Variants in MAF observed in about 807,000 individuals in gnomAD.
The protein encoded by MAF is MAF bZIP transcription factor.
Under a neutral mutation model 22.0 loss-of-function variants are expected in MAF, and 10 were observed. The observed-to-expected ratio is 0.45, with a 90% CI of 0.28 to 0.77. The LOEUF is 0.77. MAF is among the 30% of genes least tolerant of loss of function. MAF has a pLI of 0.12. For synonymous variants in MAF, 337 were observed against 255.8 expected, an observed-to-expected ratio of 1.32 and a Z score of -3.03; for missense variants, 544 against 548.4, an observed-to-expected ratio of 0.99 and a Z score of 0.08.
At chr16:79,596,418 T>C (rs776873265) in intron 1 of MAF, 2 of 1,057,330 alleles carry the variant, frequency 1.9e-6, no homozygotes, top group Admixed American at 5.4e-5. Context: ...GGATGCATTT[T>C]ACACTTTTAA....
the MAF span, among the ~76,000 whole-genome samples, chr16:79,274,042 C>T: frequency 6.6e-6 from 1 of 150,900 alleles, no homozygotes; most frequent in Non-Finnish European, 1.5e-5. Context: ...GCAACTTCCA[C>T]CTCCCAGGTT....
chr16:79,400,694 G>C, the MAF span, among the ~76,000 whole-genome samples: 3 of 152,356 alleles, frequency 2.0e-5, no homozygotes, highest in South Asian at 6.2e-4. Flanking sequence ...AAACAGGTCA[G>C]ACATTATCTC....
the MAF span, chr16:79,212,238 G>GCA: frequency 7.4e-7 from 1 of 1,354,408 alleles, no homozygotes; most frequent in Non-Finnish European, 9.7e-7. Flanking sequence ...GCTCCTTGCT[G>GCA]CATTGATCCA....
the MAF span, among the ~76,000 whole-genome samples, chr16:79,406,133 C>A: frequency 2.6e-5 from 4 of 151,476 alleles, no homozygotes; most frequent in Non-Finnish European, 1.5e-5. Context: ...CAATTGCCCA[C>A]AGTGACCCAT....
chr16:79,244,640 G>A, the MAF span, among the ~76,000 whole-genome samples: 2 of 152,046 alleles, frequency 1.3e-5, no homozygotes, highest in African/African-American at 4.8e-5. Flanking sequence ...TGGCCATAGT[G>A]CCAAAAGTAA....
chr16:79,305,243 C>T, the MAF span, among the ~76,000 whole-genome samples: 1 of 152,204 alleles, frequency 6.6e-6, no homozygotes, highest in African/African-American at 2.4e-5. Context: ...AAGGCCCTGA[C>T]GGTTCCCACC....
the MAF span, among the ~76,000 whole-genome samples, chr16:79,407,873 G>A: frequency 6.6e-6 from 1 of 151,926 alleles, no homozygotes; most frequent in Admixed American, 6.6e-5. Flanking sequence ...CTTTTAATTT[G>A]CATCCTTTAT....
At chr16:79,507,281 T>C in the MAF span, among the ~76,000 whole-genome samples, 1 of 149,742 alleles carries the variant, frequency 6.7e-6, no homozygotes, top group Non-Finnish European at 1.5e-5. Context: ...GCCTGGCTAA[T>C]TTTTTTGTAC....
the MAF span, among the ~76,000 whole-genome samples, chr16:79,318,131 G>A: frequency 6.6e-6 from 1 of 152,176 alleles, no homozygotes; most frequent in African/African-American, 2.4e-5. Flanking sequence ...TCTTTTGTAG[G>A]CTGTGGGGCT....
the MAF span, among the ~76,000 whole-genome samples, chr16:79,340,796 T>C: frequency 1.3e-5 from 2 of 152,114 alleles, no homozygotes; most frequent in East Asian, 3.9e-4. Flanking sequence ...TCTTCAGGCA[T>C]TGCTAGATGT....
the MAF span, among the ~76,000 whole-genome samples, chr16:79,428,462 G>A: frequency 1.3e-5 from 2 of 152,270 alleles, no homozygotes; most frequent in South Asian, 4.1e-4. Flanking sequence ...TCCCAAACTG[G>A]CATTTTCCTT....
chr16:79,506,804 G>A, the MAF span, among the ~76,000 whole-genome samples: 2 of 152,140 alleles, frequency 1.3e-5, no homozygotes, highest in Non-Finnish European at 2.9e-5. Context: ...AAGAGAGATG[G>A]GGAGTAGACT....
chr16:79,326,621 G>C, the MAF span, among the ~76,000 whole-genome samples: 1 of 152,304 alleles, frequency 6.6e-6, no homozygotes, highest in African/African-American at 2.4e-5. Flanking sequence ...AAATATTTTA[G>C]GCTCTGTAGA....
chr16:79,216,581 C>G, the MAF span, among the ~76,000 whole-genome samples: 4 of 152,208 alleles, frequency 2.6e-5, no homozygotes, highest in East Asian at 7.7e-4. Context: ...GTGTTAAATG[C>G]CTTTGTCCAA....
At chr16:79,590,008 C>T (rs1913095119), downstream of MAF, among the ~76,000 whole-genome samples, 1 of 152,176 alleles carries the variant, frequency 6.6e-6, no homozygotes, top group Non-Finnish European at 1.5e-5. Flanking sequence ...ATCTTCGGGA[C>T]CCGCCCCCTC....
the MAF span, chr16:79,203,685 A>G: frequency 1.1e-4 from 17 of 152,166 alleles, no homozygotes; most frequent in Non-Finnish European, 2.1e-4. Flanking sequence ...TTGCAGGCAG[A>G]CTTCGTAGAG....
At chr16:79,531,897 G>A in the MAF span, among the ~76,000 whole-genome samples, 1 of 152,114 alleles carries the variant, frequency 6.6e-6, no homozygotes. Flanking sequence ...AAGGCACAAT[G>A]TCCTATCCTA....
the MAF span, among the ~76,000 whole-genome samples, chr16:79,486,710 T>G: frequency 6.6e-6 from 1 of 152,254 alleles, no homozygotes; most frequent in African/African-American, 2.4e-5. Context: ...GAGCATAAAA[T>G]ATTTCTTAAA....
At chr16:79,529,875 C>T in the MAF span, among the ~76,000 whole-genome samples, 252 of 151,788 alleles carry the variant, frequency 1.7e-3, 2 homozygotes, top group African/African-American at 5.8e-3. Flanking sequence ...GCAGGAGAAT[C>T]GCTTGAACCT....
Sources: gnomAD v4.1 joint callset for allele counts (sites outside exome capture counted in the v4.1 genomes callset) on GRCh38, gnomAD v4.1.1 for gene constraint, MANE v1.5 for transcripts, NCBI Gene and HGNC (gene_info 2026-07-23, HGNC 2026-07-21) for gene names.